ATXN1: variants seen among roughly 807,000 people sequenced by gnomAD.
The protein encoded by ATXN1 is ataxin 1, also known as ataxin-1.
Under a neutral mutation model 56.4 loss-of-function variants are expected in ATXN1, and 8 were observed. The ratio of observed to expected loss-of-function variants is 0.14; its 90% CI spans 0.08 to 0.26. The LOEUF (loss-of-function observed/expected upper bound fraction) is 0.26, where lower values mean the gene tolerates loss of function less well. Ranked by LOEUF, ATXN1 falls within the 10% of genes least tolerant of loss-of-function variation. ATXN1 has a pLI of 1.00. For synonymous variants in ATXN1, 514 were observed against 494.6 expected, an observed-to-expected ratio of 1.04 and a Z score of -0.52; for missense variants, 987 against 1,106.5, an observed-to-expected ratio of 0.89 and a Z score of 1.53.
intron 6 of ATXN1, among the ~76,000 whole-genome samples, chr6:16,425,261 A>G (rs1375332122): frequency 1.3e-5 from 2 of 152,234 alleles, no homozygotes; most frequent in Non-Finnish European, 2.9e-5. Flanking sequence ...ACCCTACTCC[A>G]TCCCACTGTG....
chr6:16,319,217 CA>C lies in ATXN1; in HGVS notation c.1917+7176del, dbSNP rs796984194. ...TGGGCAACAGAGCAAGACCCTATCT[CA>C]AAAAAAAAAAATGTGCCTTAAAGAA... On this transcript the variant is annotated intron_variant, in intron 7 of 7. Coordinates refer to ENST00000436367, the MANE Select transcript of ATXN1 (RefSeq NM_001128164.2). Among the ~76,000 whole-genome samples, 666 of 138,648 alleles carry C rather than the reference CA, an allele frequency of 4.8e-3. 2 individuals carry two copies. Among genetic ancestry groups the C allele is most frequent in the Admixed American group, 0.012 (167 of 13,882 alleles). The allele number at this position is 138,648 out of a possible 152,430, so 91.0% of individuals were successfully genotyped here.
intron 2 of ATXN1, among the ~76,000 whole-genome samples, chr6:16,663,488 C>CA (rs1180456196): frequency 6.6e-6 from 1 of 151,972 alleles, no homozygotes; most frequent in Non-Finnish European, 1.5e-5. Context: ...ATGTGAAATA[C>CA]AGAAGGAGAA....
At chr6:16,342,718 A>G (rs1486995058) in intron 6 of ATXN1, among the ~76,000 whole-genome samples, 1 of 152,272 alleles carries the variant, frequency 6.6e-6, no homozygotes, top group African/African-American at 2.4e-5. Flanking sequence ...ATTCTGTTAC[A>G]TGCTATGACA....
chr6:16,453,825 C>A (rs1433460835), intron 6 of ATXN1, among the ~76,000 whole-genome samples: 1 of 152,110 alleles, frequency 6.6e-6, no homozygotes, highest in African/African-American at 2.4e-5. Context: ...AAGTAACATG[C>A]TTGAATTCAA....
chr6:16,450,621 G>A (rs1195728124), intron 6 of ATXN1, among the ~76,000 whole-genome samples: 1 of 152,170 alleles, frequency 6.6e-6, no homozygotes, highest in Non-Finnish European at 1.5e-5. Flanking sequence ...TCTGCAACAT[G>A]GAGATGCTAT....
At chr6:16,746,475 C>G (rs185688824) in intron 2 of ATXN1, among the ~76,000 whole-genome samples, 123 of 152,288 alleles carry the variant, frequency 8.1e-4, no homozygotes, top group African/African-American at 2.7e-3. Flanking sequence ...TTTCTACTTG[C>G]AAATTAAAAG....
Position 16,663,075 on chromosome 6 carries a change from C to T in ATXN1, c.-614-5174G>A, listed in dbSNP as rs530521043. On this transcript the variant is annotated intron_variant, in intron 2 of 7. Transcript: ENST00000436367. ...GCAACCTCTGCCTCCCGGGTTCAAG[C>T]GATTCTCCTGCCTCAGCCTCCCAAG... Among the ~76,000 whole-genome samples the T allele has an allele frequency of 1.5e-4, 23 of 149,296 alleles. No individual in the cohort carries two copies. The South Asian group carries it at 4.2e-3, about 27-fold the overall frequency.
chr6:16,355,631 G>A (rs1446973895), intron 6 of ATXN1, among the ~76,000 whole-genome samples: 2 of 151,508 alleles, frequency 1.3e-5, no homozygotes, highest in Admixed American at 6.6e-5. Flanking sequence ...GCACGATCTC[G>A]GCTCACTGCA....
chr6:16,574,297 C>T (rs976603857), intron 4 of ATXN1, among the ~76,000 whole-genome samples: 2 of 152,238 alleles, frequency 1.3e-5, no homozygotes, highest in African/African-American at 2.4e-5. Flanking sequence ...CCTCTGCCTC[C>T]GGGGTTCAAG....
chr6:16,403,350 C>A (rs1426996525), intron 6 of ATXN1, among the ~76,000 whole-genome samples: 4 of 152,100 alleles, frequency 2.6e-5, no homozygotes, highest in Admixed American at 6.5e-5. Context: ...TATTCAAGCT[C>A]TTTAAAAAAA....
At chr6:16,361,296 C>T (rs1426835481) in intron 6 of ATXN1, among the ~76,000 whole-genome samples, 2 of 152,156 alleles carry the variant, frequency 1.3e-5, no homozygotes, top group Non-Finnish European at 2.9e-5. Flanking sequence ...GTAATGTTTC[C>T]TTCACATTCT....
Position 16,372,768 on chromosome 6 carries a change from T to C in ATXN1, c.-160-44298A>G, listed in dbSNP as rs932469450. Among the ~76,000 whole-genome samples, 5 of 151,906 alleles carry C rather than the reference T, an allele frequency of 3.3e-5. No homozygotes were observed. The East Asian group carries it at 9.7e-4, about 29-fold the overall frequency. ...ATCTCTACAAAAAAAAGGTAAAAATTAGCTGGGCGTGGTGGCACATGTCTA... is the reference window on the plus strand; with the variant it reads ...ATCTCTACAAAAAAAAGGTAAAAATCAGCTGGGCGTGGTGGCACATGTCTA... On this transcript the variant is annotated intron_variant, in intron 6 of 7. Transcript: ENST00000436367.
chr6:16,421,690 TG>T lies in ATXN1; in HGVS notation c.-161+64281del, dbSNP rs148787869. On this transcript the variant is annotated intron_variant, in intron 6 of 7. Transcript: ENST00000436367. ...GTGAGTGTGCATGCATACATATTTG[TG>T]GGAGATGAGCGTGCATGCAAATAGG... 8.4e-3 allele frequency among the ~76,000 whole-genome samples: 1,279 copies of T among 151,788 alleles called. 15 individuals are homozygous for T. The highest frequency in any genetic ancestry group is 0.029 in the African/African-American group (1,198 of 41,364).
intron 2 of ATXN1, chr6:16,739,696 A>G (rs1760264148): frequency 4.8e-6 from 2 of 420,780 alleles, no homozygotes; most frequent in Admixed American, 4.9e-5. Flanking sequence ...CAGACGTCAG[A>G]CTATGGGACA....
rs151024431 is a variant in ATXN1, at chr6:16,326,809, G to A, written c.1502C>T (p.Ala501Val). 31 of 1,608,346 alleles carry A rather than the reference G, an allele frequency of 1.9e-5. No homozygotes were observed. Among genetic ancestry groups the A allele is most frequent in the Admixed American group, 3.3e-5 (2 of 59,868 alleles). Residue 501 changes from alanine (A) to valine (V), a missense_variant, in exon 7 of 8, where the codon GCG (alanine) becomes GTG (valine). By Grantham distance (64) the Ala-to-Val change is moderately conservative. This residue lies in a region of ATXN1 where 723 missense variants were observed against 791.7 expected (regional missense o/e 0.91). Transcript: ENST00000436367. The surrounding 1 kb of genome is among the most constrained non-coding windows in gnomAD (Gnocchi z 6.6). ...GACTATGGCCGGGGCTGCCCCCGAC[G>A]CTTCCATGTCAGTGCTGCCGACCGG... ...LIPVGSTDME[A>V]SGAAPAIVTS...
At chr6:16,710,284 T>C (rs1160966380) in intron 2 of ATXN1, among the ~76,000 whole-genome samples, 1 of 152,198 alleles carries the variant, frequency 6.6e-6, no homozygotes, top group East Asian at 1.9e-4. Context: ...AGGGAAACAT[T>C]CCTGGCAGAA....
Position 16,410,124 on chromosome 6 carries a change from C to G in ATXN1, c.-161+75848G>C, listed in dbSNP as rs1209698088. ...TGAAGCAGAGGGTGGCACCGGAGCCCTACCTGGGTGCTGGCACTGCCTCGG... is the reference window on the plus strand; with the variant it reads ...TGAAGCAGAGGGTGGCACCGGAGCCGTACCTGGGTGCTGGCACTGCCTCGG... On this transcript the variant is annotated intron_variant, in intron 6 of 7. Transcript: ENST00000436367. This position sits in a 1 kb window ranked among gnomAD's most constrained non-coding sequence, Gnocchi z 4.6. Among the ~76,000 whole-genome samples, 3 of 152,172 alleles carry G rather than the reference C, an allele frequency of 2.0e-5. No homozygotes were observed. Among genetic ancestry groups the G allele is most frequent in the Non-Finnish European group, 2.9e-5 (2 of 68,018 alleles).
chr6:16,559,547 G>A (rs1006456213), intron 4 of ATXN1, among the ~76,000 whole-genome samples: 2 of 152,128 alleles, frequency 1.3e-5, no homozygotes, highest in Non-Finnish European at 2.9e-5. Flanking sequence ...TGTATGGGGT[G>A]TAAACATTGT....
Position 16,576,173 on chromosome 6 carries a change from A to G in ATXN1, c.-361+9607T>C, listed in dbSNP as rs146985737. Among the ~76,000 whole-genome samples the G allele has an allele frequency of 8.1e-4, 123 of 152,192 alleles. 2 individuals carry two copies. In the East Asian group the frequency reaches 0.022, roughly 27 times the overall value. Reference sequence around the variant, plus strand: ...CCAATTTCATCGTTTTTATTCCTTCACAGGGAATAATGAAGAGCAAATAAG... The same window carrying G: ...CCAATTTCATCGTTTTTATTCCTTCGCAGGGAATAATGAAGAGCAAATAAG... On this transcript the variant is annotated intron_variant, in intron 4 of 7. Transcript: ENST00000436367.
Sources: allele counts gnomAD v4.1 joint callset (sites outside exome capture counted in the v4.1 genomes callset), GRCh38; gene constraint gnomAD v4.1.1; regional missense constraint gnomAD v4.1.1; non-coding constraint Gnocchi (gnomAD v3.1); transcripts MANE v1.5; gene names NCBI Gene and HGNC (gene_info 2026-07-23, HGNC 2026-07-21).